Variants in ANK3 observed in about 807,000 individuals in gnomAD.
The protein encoded by ANK3 is ankyrin-3.
Under a neutral mutation model 370.9 loss-of-function variants are expected in ANK3, and 57 were observed. The ratio of observed to expected loss-of-function variants is 0.15; its 90% CI spans 0.12 to 0.19. The LOEUF is 0.19. ANK3 is among the 10% of genes least tolerant of loss of function. ANK3 has a pLI of 1.00. For missense variants in ANK3, 4,439 were observed against 5,302.1 expected (o/e 0.84, Z 5.06); for synonymous variants, 1,929 against 1,946.3 (o/e 0.99, Z 0.23).
intron 38 of ANK3, among the ~76,000 whole-genome samples, chr10:60,065,537 T>C (rs1199199154): frequency 6.6e-6 from 1 of 152,188 alleles, no homozygotes; most frequent in Non-Finnish European, 1.5e-5. Flanking sequence ...ATTTAGAAAT[T>C]TACCCTGACA....
chr10:60,592,286 T>C (rs2077927290), intron 2 of ANK3, among the ~76,000 whole-genome samples: 1 of 152,220 alleles, frequency 6.6e-6, no homozygotes, highest in Non-Finnish European at 1.5e-5. Flanking sequence ...AGAATCAGTT[T>C]CTTGTTTGCA....
chr10:60,111,227 T>G (rs897984197), intron 26 of ANK3, among the ~76,000 whole-genome samples: 1 of 152,018 alleles, frequency 6.6e-6, no homozygotes, highest in Non-Finnish European at 1.5e-5. Context: ...TCAGAACCAA[T>G]GGAAAAAACA....
chr10:60,401,210 T>C (rs1355463277), intron 2 of ANK3, among the ~76,000 whole-genome samples: 3 of 152,122 alleles, frequency 2.0e-5, no homozygotes, highest in African/African-American at 7.2e-5. Flanking sequence ...GGAATGGCGG[T>C]TCTCAGGGGC....
At chr10:60,525,493 C>T (rs951491755) in intron 2 of ANK3, among the ~76,000 whole-genome samples, 65 of 152,018 alleles carry the variant, frequency 4.3e-4, no homozygotes, top group Admixed American at 2.5e-3. Flanking sequence ...TTAAATAACT[C>T]ATTAGGTGTC....
chr10:60,436,917 T>G (rs1243479806), intron 2 of ANK3, among the ~76,000 whole-genome samples: 1 of 152,238 alleles, frequency 6.6e-6, no homozygotes, highest in East Asian at 1.9e-4. Context: ...ACAACAGATT[T>G]AATCAGGACA....
intron 1 of ANK3, among the ~76,000 whole-genome samples, chr10:60,328,814 A>G (rs1265487586): frequency 1.3e-5 from 2 of 152,206 alleles, no homozygotes; most frequent in Admixed American, 1.3e-4. Flanking sequence ...AAAACCTGGC[A>G]AAGACACAAC....
At chr10:60,655,529 A>G (rs1308854520) in intron 1 of ANK3, among the ~76,000 whole-genome samples, 1 of 152,144 alleles carries the variant, frequency 6.6e-6, no homozygotes, top group East Asian at 1.9e-4. Context: ...GGACATTTGT[A>G]CAATATGTTT....
At chr10:60,163,002 T>G (rs1311969557) in intron 23 of ANK3, among the ~76,000 whole-genome samples, 1 of 152,118 alleles carries the variant, frequency 6.6e-6, no homozygotes, top group Non-Finnish European at 1.5e-5. Context: ...AAGATCAGAG[T>G]TGAACCAAAG....
intron 2 of ANK3, among the ~76,000 whole-genome samples, chr10:60,436,551 G>A (rs2153523): frequency 6.6e-6 from 1 of 152,276 alleles, no homozygotes; most frequent in Admixed American, 6.5e-5. Flanking sequence ...TTTCCTTGAT[G>A]GCTAAAGATG....
At chr10:60,716,398 T>C (rs1341600436) in intron 1 of ANK3, among the ~76,000 whole-genome samples, 1 of 152,046 alleles carries the variant, frequency 6.6e-6, no homozygotes, top group African/African-American at 2.4e-5. Flanking sequence ...AAAAAAAAAT[T>C]TCAAAGACAG....
At chr10:60,167,538 T>C (rs537340559) in intron 21 of ANK3, among the ~76,000 whole-genome samples, 1 of 152,302 alleles carries the variant, frequency 6.6e-6, no homozygotes, top group Admixed American at 6.5e-5. Flanking sequence ...ACTTAGATTA[T>C]ACCCACCCAA....
chr10:60,240,875 G>A (rs1428331490), intron 7 of ANK3, among the ~76,000 whole-genome samples: 2 of 152,218 alleles, frequency 1.3e-5, no homozygotes. Flanking sequence ...ATAGGCATGA[G>A]CCACCATGCC....
In ANK3 at chr10:60,027,137, T is replaced by G. The variant is rs964376943; in HGVS notation, c.*2709A>C. 1.3e-5 allele frequency: 2 copies of G among 152,034 alleles called. No individual in the cohort carries two copies. Among genetic ancestry groups the G allele is most frequent in the Non-Finnish European group, 2.9e-5 (2 of 68,010 alleles). The allele number at this position is 152,034 out of a possible 1,614,324, so 9.4% of individuals were successfully genotyped here. ...TTTTTGGGCATATAAACACAACTATTTAATACCTAAACAGGTATACATCAT... is the reference window on the plus strand; with the variant it reads ...TTTTTGGGCATATAAACACAACTATGTAATACCTAAACAGGTATACATCAT... On this transcript the variant is annotated 3_prime_UTR_variant, in exon 44 of 44. Coordinates refer to ENST00000280772, the MANE Select transcript of ANK3 (RefSeq NM_020987.5).
At chr10:60,290,949 TC>T (rs2041232081) in intron 1 of ANK3, among the ~76,000 whole-genome samples, 1 of 152,182 alleles carries the variant, frequency 6.6e-6, no homozygotes, top group Non-Finnish European at 1.5e-5. Context: ...CATACCCTCA[TC>T]CAGTCTGTCC....
intron 1 of ANK3, among the ~76,000 whole-genome samples, chr10:60,624,132 C>T (rs891588565): frequency 1.3e-5 from 2 of 152,036 alleles, no homozygotes; most frequent in African/African-American, 4.8e-5. Context: ...GTGAAATACT[C>T]TGTACACCAA....
At chr10:60,134,148 G>T in intron 25 of ANK3, 123 bp downstream of exon 25, 1 of 785,892 alleles carries the variant, frequency 1.3e-6, no homozygotes, top group Non-Finnish European at 2.0e-6. Flanking sequence ...GCTAGTACCA[G>T]AAGATTTACA....
chr10:60,696,287 G>A (rs1283958128), intron 1 of ANK3, among the ~76,000 whole-genome samples: 1 of 149,458 alleles, frequency 6.7e-6, no homozygotes. Flanking sequence ...AAGAGTCCAG[G>A]ACCAGATGGA....
At chr10:60,052,044 A>G (rs1216799201) in intron 42 of ANK3, among the ~76,000 whole-genome samples, 4 of 152,100 alleles carry the variant, frequency 2.6e-5, no homozygotes, top group Non-Finnish European at 5.9e-5. Context: ...CCTTATTAAA[A>G]GCTATTTTGA....
chr10:60,530,848 C>T lies in ANK3; in HGVS notation c.96+84338G>A, dbSNP rs1205608028. On this transcript the variant is annotated intron_variant, in intron 2 of 43. Coordinates refer to the ANK3 transcript ENST00000373827. ...TTGGGTGGGGGACATATCCACCTGGCGTTTGCCTCCTAATCATTGAATCTG... is the reference window on the plus strand; with the variant it reads ...TTGGGTGGGGGACATATCCACCTGGTGTTTGCCTCCTAATCATTGAATCTG... Among the ~76,000 whole-genome samples the T allele has an allele frequency of 4.6e-5, 7 of 152,050 alleles. No individual in the cohort carries two copies. The South Asian group carries it at 6.2e-4, about 13-fold the overall frequency.
Sources: gnomAD v4.1 joint callset for allele counts (sites outside exome capture counted in the v4.1 genomes callset) on GRCh38, gnomAD v4.1.1 for gene constraint, MANE v1.5 for transcripts, NCBI Gene and HGNC (gene_info 2026-07-23, HGNC 2026-07-21) for gene names.